Variants in PGM3 observed in about 807,000 individuals in gnomAD.
PGM3 encodes phosphoglucomutase 3, also known as phosphoacetylglucosamine mutase.
PGM3 carries 40 observed loss-of-function variants against 66.2 expected under a neutral mutation model. That is an observed-to-expected ratio of 0.60 (90% CI 0.47 to 0.79). The LOEUF is 0.79. PGM3 is among the 30% of genes least tolerant of loss of function. The pLI is 0.00. For synonymous variants in PGM3, 191 were observed against 224.2 expected (o/e 0.85, Z 1.32); for missense variants, 537 against 643.4 (o/e 0.83, Z 1.79).
the PGM3 span, chr6:83,151,653 C>A: frequency 6.2e-7 from 1 of 1,607,452 alleles, no homozygotes; most frequent in South Asian, 1.1e-5. Context: ...ACCAAAGAGA[C>A]CTTCAGGTAA....
At chr6:83,163,319 GACAA>G (rs953179797), downstream of PGM3, among the ~76,000 whole-genome samples, 4 of 152,014 alleles carry the variant, frequency 2.6e-5, no homozygotes, top group African/African-American at 7.2e-5. Context: ...ATGCCATGAT[GACAA>G]ACAAAAGTAT....
chr6:83,148,940 A>G, the PGM3 span: 3 of 829,310 alleles, frequency 3.6e-6, no homozygotes, highest in East Asian at 3.2e-5. Flanking sequence ...TTAGTAATAG[A>G]TATTTTAGGT....
chr6:83,191,623 C>A (rs557869835), intron 1 of PGM3, among the ~76,000 whole-genome samples: 25 of 152,294 alleles, frequency 1.6e-4, no homozygotes, highest in African/African-American at 5.5e-4. Context: ...TCAGGACACC[C>A]TTCTAAGATG....
chr6:83,179,309 CAAAA>C (rs940300357), intron 7 of PGM3, among the ~76,000 whole-genome samples: 1 of 71,574 alleles, frequency 1.4e-5, no homozygotes, highest in Non-Finnish European at 3.2e-5. Context: ...AACACTGTCT[CAAAA>C]AAAAAAAAAA....
At chr6:83,158,905 T>A (rs1783495959), downstream of PGM3, among the ~76,000 whole-genome samples, 1 of 152,194 alleles carries the variant, frequency 6.6e-6, no homozygotes, top group African/African-American at 2.4e-5. Flanking sequence ...GTAAGTCACA[T>A]CTGGTCTCTG....
Position 83,166,630 on chromosome 6 carries a change from A to G in PGM3, c.*2604T>C. ...CATTTATTTAAGAATGTACTCCAATATAAAACGGCAAATTTCAACAATGCA... is the reference window on the plus strand; with the variant it reads ...CATTTATTTAAGAATGTACTCCAATGTAAAACGGCAAATTTCAACAATGCA... On this transcript the variant is annotated 3_prime_UTR_variant, in exon 13 of 13. Coordinates refer to ENST00000513973, the MANE Select transcript of PGM3 (RefSeq NM_015599.3). The G allele has an allele frequency of 1.1e-6, 1 of 946,604 alleles. No homozygotes were observed. The highest frequency in any genetic ancestry group is 1.4e-6 in the Non-Finnish European group (1 of 696,686). The allele number at this position is 946,604 out of a possible 1,614,324, so 58.6% of individuals were successfully genotyped here. A position where few individuals can be genotyped will look rare whatever the true frequency, so the allele number is the denominator to read the frequency against.
At chr6:83,193,363 C>A (rs1014633289), upstream of PGM3, 1 of 152,184 alleles carries the variant, frequency 6.6e-6, no homozygotes, top group South Asian at 2.1e-4. Flanking sequence ...CGCCGCAGGT[C>A]GCGCGCAGCT....
chr6:83,166,131 T>A lies in PGM3; in HGVS notation c.*3103A>T, dbSNP rs1358191142. 1 of 455,370 alleles carries A rather than the reference T, an allele frequency of 2.2e-6. No individual in the cohort carries two copies. Among genetic ancestry groups the A allele is most frequent in the Non-Finnish European group, 3.9e-6 (1 of 258,738 alleles). The allele number at this position is 455,370 out of a possible 1,614,324, so 28.2% of individuals were successfully genotyped here. On this transcript the variant is annotated 3_prime_UTR_variant, in exon 13 of 13. Transcript: ENST00000513973. Reference sequence around the variant, plus strand: ...TGCATAGAATAGAGAAAATGACACTTCAAAACAACGAATTTTTTTATTTTT... The same window carrying A: ...TGCATAGAATAGAGAAAATGACACTACAAAACAACGAATTTTTTTATTTTT...
At chr6:83,180,068 T>A in intron 6 of PGM3, 101 bp from the exon 7 acceptor site, 1 of 827,134 alleles carries the variant, frequency 1.2e-6, no homozygotes, top group Non-Finnish European at 1.8e-6. Flanking sequence ...ATCAATGTCT[T>A]AATCTTAAAT....
chr6:83,187,161 G>A, intron 3 of PGM3, 86 bp from the exon 4 acceptor site: 2 of 808,294 alleles, frequency 2.5e-6, no homozygotes, highest in Admixed American at 4.1e-5. Context: ...AAAATTACAT[G>A]CTACAAATTT....
the PGM3 span, chr6:83,152,176 TAC>T: frequency 1.3e-6 from 1 of 773,162 alleles, no homozygotes; most frequent in Non-Finnish European, 2.0e-6. Flanking sequence ...AATATATATA[TAC>T]ATATACATAT....
intron 4 of PGM3, among the ~76,000 whole-genome samples, chr6:83,185,763 A>G (rs998093740): frequency 6.6e-6 from 1 of 152,040 alleles, no homozygotes; most frequent in Non-Finnish European, 1.5e-5. Context: ...ATCTCAAACA[A>G]TAAATAAATA....
downstream of PGM3, chr6:83,159,732 T>G: frequency 6.3e-7 from 1 of 1,578,596 alleles, no homozygotes; most frequent in Non-Finnish European, 8.7e-7. Flanking sequence ...TACTTTTAGA[T>G]CTTTCCAGGA....
At chr6:83,164,639 T>C (rs1304189557), downstream of PGM3, 1 of 1,559,114 alleles carries the variant, frequency 6.4e-7, no homozygotes, top group Non-Finnish European at 8.7e-7. Flanking sequence ...AGGCTGTGAG[T>C]TCTCCTCTTT....
chr6:83,167,882 CT>C lies in PGM3; in HGVS notation c.*1351del. 1 of 1,610,950 alleles carries C rather than the reference CT, an allele frequency of 6.2e-7. No homozygotes were observed. Among genetic ancestry groups the C allele is most frequent in the Non-Finnish European group, 8.5e-7 (1 of 1,177,902 alleles). On this transcript the variant is annotated 3_prime_UTR_variant, in exon 13 of 13. Transcript: ENST00000513973. ...TGCAGAAAAATCCAGAGGAAGACAA[CT>C]CAGGGAGAACATTGGGTTGGGAGCC...
downstream of PGM3, chr6:83,158,566 G>C: frequency 6.3e-7 from 1 of 1,598,186 alleles, no homozygotes; most frequent in Non-Finnish European, 8.6e-7. Context: ...ACCATTTTCA[G>C]GTACAAGTAT....
intron 8 of PGM3, among the ~76,000 whole-genome samples, chr6:83,177,047 T>C (rs1460178341): frequency 1.3e-5 from 2 of 152,156 alleles, no homozygotes. Flanking sequence ...TTTAAACAAA[T>C]AGGAACATCA....
chr6:83,152,334 A>T, the PGM3 span: 5 of 1,562,626 alleles, frequency 3.2e-6, no homozygotes, highest in East Asian at 1.2e-4. Context: ...CTCCTTCTGT[A>T]TATAGTGTCC....
downstream of PGM3, among the ~76,000 whole-genome samples, chr6:83,163,874 T>G (rs1287809850): frequency 6.6e-6 from 1 of 152,056 alleles, no homozygotes; most frequent in Non-Finnish European, 1.5e-5. Context: ...TTAAAAAGTG[T>G]AGGAAAATAA....
Sources: allele counts gnomAD v4.1 joint callset (sites outside exome capture counted in the v4.1 genomes callset), GRCh38; gene constraint gnomAD v4.1.1; transcripts MANE v1.5; gene names NCBI Gene and HGNC (gene_info 2026-07-23, HGNC 2026-07-21).